Variants in RALGPS1 observed in about 807,000 individuals in gnomAD.
RALGPS1 encodes the protein Ral GEF with PH domain and SH3 binding motif 1, also known as ras-specific guanine nucleotide-releasing factor RalGPS1.
RALGPS1 carries 19 observed loss-of-function variants against 78.8 expected under a neutral mutation model. That is an observed-to-expected ratio of 0.24 (90% confidence interval 0.17 to 0.35). The LOEUF (loss-of-function observed/expected upper bound fraction) is 0.35, where lower values mean the gene tolerates loss of function less well. Ranked by LOEUF, RALGPS1 falls within the 10% of genes least tolerant of loss-of-function variation. The probability of loss-of-function intolerance (pLI) is 1.00; values close to 1 mark genes in which losing one functional copy is unlikely to be tolerated. For synonymous variants in RALGPS1, 228 were observed against 256.3 expected (o/e 0.89, Z 1.06); for missense variants, 454 against 688.3 (o/e 0.66, Z 3.81).
At chr9:126,917,774 G>A (rs1588427043) in intron 1 of RALGPS1, among the ~76,000 whole-genome samples, 1 of 152,324 alleles carries the variant, frequency 6.6e-6, no homozygotes, top group South Asian at 2.1e-4. Context: ...GCAGGACAGG[G>A]AATTCTGAGG....
chr9:126,944,149 C>T (rs1158322050), intron 1 of RALGPS1, among the ~76,000 whole-genome samples: 1 of 152,250 alleles, frequency 6.6e-6, no homozygotes, highest in Non-Finnish European at 1.5e-5. Context: ...ACATGCAGGC[C>T]TGGTGGGCAC....
At chr9:127,198,469 A>G (rs1361536105) in intron 13 of RALGPS1, among the ~76,000 whole-genome samples, 1 of 152,230 alleles carries the variant, frequency 6.6e-6, no homozygotes, top group Admixed American at 6.5e-5. Context: ...CCAGAGGGAC[A>G]GGCCTGAAGG....
intron 8 of RALGPS1, among the ~76,000 whole-genome samples, chr9:127,134,844 T>C (rs1357379288): frequency 6.6e-6 from 1 of 152,246 alleles, no homozygotes; most frequent in Non-Finnish European, 1.5e-5. Flanking sequence ...ATCATTATAA[T>C]GTCTGTCAGA....
chr9:127,048,401 CT>C (rs1267105362), intron 5 of RALGPS1, among the ~76,000 whole-genome samples: 1 of 152,220 alleles, frequency 6.6e-6, no homozygotes, highest in Non-Finnish European at 1.5e-5. Flanking sequence ...GTTTGAACTT[CT>C]TCCATGGCCA....
At chr9:127,030,090 T>G (rs1284770021) in intron 4 of RALGPS1, among the ~76,000 whole-genome samples, 1 of 152,224 alleles carries the variant, frequency 6.6e-6, no homozygotes, top group Non-Finnish European at 1.5e-5. Flanking sequence ...GTTAACGTGT[T>G]TTTTATTTAA....
In RALGPS1 at chr9:127,212,397, G is replaced by A. The variant is rs565282545; in HGVS notation, c.1353+161G>A. 2.6e-5 allele frequency among the ~76,000 whole-genome samples: 4 copies of A among 152,176 alleles called. No homozygotes were observed. The highest frequency in any genetic ancestry group is 2.1e-4 in the South Asian group (1 of 4,828). ...CTCAGGAATTATACCTGACACTGCC[G>A]TAAAATGAACAAAGGGAAGGCTCCT... On this transcript the variant is annotated intron_variant, in intron 15 of 18. Transcript: ENST00000259351. This position sits in a 1 kb window ranked among gnomAD's most constrained non-coding sequence, Gnocchi z 6.0.
chr9:126,954,561 T>A (rs1317101543), intron 1 of RALGPS1, among the ~76,000 whole-genome samples: 1 of 152,114 alleles, frequency 6.6e-6, no homozygotes, highest in African/African-American at 2.4e-5. Flanking sequence ...CCAAAGCAGG[T>A]GGATCACTTG....
chr9:127,010,319 A>G (rs934705743), intron 4 of RALGPS1, among the ~76,000 whole-genome samples: 1 of 152,104 alleles, frequency 6.6e-6, no homozygotes, highest in Non-Finnish European at 1.5e-5. Flanking sequence ...GCTGCCCTAC[A>G]GCTCCTGAGT....
chr9:126,938,643 A>G (rs1811936656), intron 1 of RALGPS1, among the ~76,000 whole-genome samples: 2 of 152,228 alleles, frequency 1.3e-5, no homozygotes, highest in Non-Finnish European at 1.5e-5. Flanking sequence ...GGCTATAGCA[A>G]TAAGGATATG....
intron 5 of RALGPS1, among the ~76,000 whole-genome samples, chr9:127,035,394 A>T (rs1331088141): frequency 2.9e-4 from 44 of 152,280 alleles, no homozygotes; most frequent in Non-Finnish European, 1.5e-5. Flanking sequence ...AGGGTGTCTT[A>T]TTTCTCAGCC....
At chr9:127,081,216 G>A (rs2051134677) in intron 8 of RALGPS1, among the ~76,000 whole-genome samples, 1 of 140,838 alleles carries the variant, frequency 7.1e-6, no homozygotes, top group Non-Finnish European at 1.6e-5. Context: ...TAAAATGATA[G>A]GCACAAAATG....
chr9:126,980,579 A>C (rs1385559176), intron 4 of RALGPS1, among the ~76,000 whole-genome samples: 1 of 152,162 alleles, frequency 6.6e-6, no homozygotes, highest in East Asian at 1.9e-4. Context: ...GTGAAATCCT[A>C]ATTTTCTAAT....
At chr9:127,108,564 G>A in intron 8 of RALGPS1, 1 of 1,613,638 alleles carries the variant, frequency 6.2e-7, no homozygotes, top group Non-Finnish European at 8.5e-7. Context: ...CAATGAAGGT[G>A]TAGGTGCACT....
intron 8 of RALGPS1, among the ~76,000 whole-genome samples, chr9:127,144,845 G>A (rs115564319): frequency 9.9e-4 from 151 of 152,318 alleles, no homozygotes; most frequent in African/African-American, 3.0e-3. Context: ...GCTGGAAAGC[G>A]GGGAATGGGG....
At chr9:127,140,730 G>C (rs79025137) in intron 8 of RALGPS1, among the ~76,000 whole-genome samples, 12,839 of 152,090 alleles carry the variant, frequency 0.084, 1,794 homozygotes, top group African/African-American at 0.29. Context: ...GAAAAAAAAA[G>C]TTTTAACCTC....
chr9:126,979,449 A>G (rs1240012404), intron 4 of RALGPS1, among the ~76,000 whole-genome samples: 1 of 152,188 alleles, frequency 6.6e-6, no homozygotes, highest in Non-Finnish European at 1.5e-5. Flanking sequence ...TAGGTGTGTG[A>G]TGGTTGCCTT....
At chr9:127,008,030 AGGTGCTGTTCTCTG>A (rs2044004143) in intron 4 of RALGPS1, among the ~76,000 whole-genome samples, 1 of 151,874 alleles carries the variant, frequency 6.6e-6, no homozygotes, top group Non-Finnish European at 1.5e-5. Flanking sequence ...AGGAATGTCT[AGGTGCTGTTCTCTG>A]CAGGCCTTGG....
At chr9:127,134,443 T>C (rs967798645) in intron 8 of RALGPS1, among the ~76,000 whole-genome samples, 1 of 152,190 alleles carries the variant, frequency 6.6e-6, no homozygotes, top group African/African-American at 2.4e-5. Context: ...TCATTACCTC[T>C]TCTTAGCTCT....
intron 5 of RALGPS1, among the ~76,000 whole-genome samples, chr9:127,041,508 A>G (rs1441440999): frequency 1.3e-5 from 2 of 152,078 alleles, no homozygotes; most frequent in Non-Finnish European, 2.9e-5. Context: ...AGCAACTGAT[A>G]TTGTCAGCTA....
Sources: gnomAD v4.1 joint callset for allele counts (sites outside exome capture counted in the v4.1 genomes callset) on GRCh38, gnomAD v4.1.1 for gene constraint, Gnocchi (gnomAD v3.1) non-coding constraint, MANE v1.5 for transcripts, NCBI Gene and HGNC (gene_info 2026-07-23, HGNC 2026-07-21) for gene names.